The following DCLK1 variants were observed in gnomAD, a reference collection of about 807,000 sequenced individuals.
DCLK1 encodes the protein doublecortin like kinase 1.
Under a neutral mutation model 86.2 loss-of-function variants are expected in DCLK1, and 16 were observed. The observed-to-expected ratio is 0.19, with a 90% confidence interval of 0.13 to 0.28. The LOEUF (loss-of-function observed/expected upper bound fraction) is 0.28, where lower values mean the gene tolerates loss of function less well. Among genes scored for constraint, DCLK1 ranks in the 10% least tolerant of loss-of-function variants. The pLI is 1.00. For missense variants in DCLK1, 590 were observed against 940.2 expected (o/e 0.63, Z 4.87); for synonymous variants, 369 against 370.5 (o/e 1.00, Z 0.05).
intron 3 of DCLK1, among the ~76,000 whole-genome samples, chr13:36,062,221 G>C (rs1378848426): frequency 2.0e-5 from 3 of 152,120 alleles, no homozygotes; most frequent in African/African-American, 4.8e-5. Context: ...GATGCTCAGG[G>C]TTTACAGACT....
chr13:35,977,068 A>T (rs574120976), intron 3 of DCLK1, among the ~76,000 whole-genome samples: 1 of 152,118 alleles, frequency 6.6e-6, no homozygotes, highest in East Asian at 1.9e-4. Flanking sequence ...ACTTGCATCC[A>T]CTCCAGATGT....
At chr13:35,855,530 GAC>G (rs775139680) in intron 5 of DCLK1, 25 of 1,607,056 alleles carry the variant, frequency 1.6e-5, no homozygotes, top group Non-Finnish European at 7.6e-6. Flanking sequence ...TTCTAACATG[GAC>G]ACAGTCTTAG....
rs2086393544 is a variant in DCLK1, at chr13:35,774,657, G to A, written c.2101C>T (p.Arg701Cys). 15 of 1,610,494 alleles carry A rather than the reference G, an allele frequency of 9.3e-6. No homozygotes were observed. Among genetic ancestry groups the A allele is most frequent in the East Asian group, 4.5e-5 (2 of 44,760 alleles). Residue 701 changes from arginine to cysteine, a missense_variant, in exon 17 of 17, where the codon CGC becomes TGC. By Grantham distance (180) the Arg-to-Cys change is radical (BLOSUM62 -3). Transcript: ENST00000360631. ...DKERQVFRRRRNQDVRSRYKA... is the reference protein window; with the variant it reads ...DKERQVFRRRCNQDVRSRYKA... ...TACCGGCTCCTCACATCCTGGTTGC[G>A]TCTTCGTCGGAAAACCTGCCTCTCC... is the stretch of plus-strand genomic sequence containing the variant.
chr13:36,125,562 T>C (rs1198426849), intron 2 of DCLK1, among the ~76,000 whole-genome samples, 200 bp downstream of exon 2: 3 of 152,228 alleles, frequency 2.0e-5, no homozygotes, highest in African/African-American at 4.8e-5. Context: ...TAGCACATTA[T>C]TATAAGCTAC....
chr13:35,778,290 A>G (rs1001451286), intron 16 of DCLK1, among the ~76,000 whole-genome samples: 1 of 152,186 alleles, frequency 6.6e-6, no homozygotes, highest in Admixed American at 6.5e-5. Context: ...TGTGCTTCCA[A>G]TAAAAACTTC....
At chr13:35,856,760 G>A (rs547870964) in intron 5 of DCLK1, among the ~76,000 whole-genome samples, 3 of 152,226 alleles carry the variant, frequency 2.0e-5, no homozygotes, top group Non-Finnish European at 4.4e-5. Flanking sequence ...ACCAGTCAAT[G>A]CACTTAGACC....
chr13:35,774,668 A>G lies in DCLK1; in HGVS notation c.2090T>C (p.Phe697Ser). The G allele has an allele frequency of 6.2e-7, 1 of 1,611,820 alleles. No individual in the cohort carries two copies. The highest frequency in any genetic ancestry group is 8.5e-7 in the Non-Finnish European group (1 of 1,179,094). Residue 697 changes from phenylalanine (F) to serine (S), a missense_variant, in exon 17 of 17, where the codon TTC becomes TCC. Transcript: ENST00000360631. ...TTALDKERQV[F>S]RRRRNQDVRS... ...CACATCCTGGTTGCGTCTTCGTCGG[A>G]AAACCTGCCTCTCCTTATCAAGAGC...
intron 4 of DCLK1, among the ~76,000 whole-genome samples, chr13:35,938,879 G>C (rs1377215483): frequency 6.6e-6 from 1 of 152,088 alleles, no homozygotes; most frequent in Non-Finnish European, 1.5e-5. Context: ...CAATAAAAAG[G>C]AAGGCCTGTG....
intron 6 of DCLK1, among the ~76,000 whole-genome samples, chr13:35,843,112 G>A (rs1869922753): frequency 6.6e-6 from 1 of 152,104 alleles, no homozygotes; most frequent in Non-Finnish European, 1.5e-5. Context: ...GCTTGTAAAT[G>A]GAATCAATTT....
At chr13:36,079,720 GA>G (rs1184332170) in intron 3 of DCLK1, among the ~76,000 whole-genome samples, 3 of 152,008 alleles carry the variant, frequency 2.0e-5, no homozygotes, top group South Asian at 4.2e-4. Context: ...TTAGAGCAAG[GA>G]AAACGAATTG....
At chr13:36,064,597 T>TG (rs1276792632) in intron 3 of DCLK1, among the ~76,000 whole-genome samples, 1 of 151,466 alleles carries the variant, frequency 6.6e-6, no homozygotes, top group Non-Finnish European at 1.5e-5. Context: ...GGTCAGAAGT[T>TG]GCAGTGAGCT....
At position 35,769,643 on chromosome 13, in the gene DCLK1, A is replaced by G. The variant is rs2086294643; in HGVS notation, c.*4892T>C. ...TTGGACTGGAGTGAACTGACATTATAGCATCTTTATCATCACCTTTAAAAT... is the reference window on the plus strand; with the variant it reads ...TTGGACTGGAGTGAACTGACATTATGGCATCTTTATCATCACCTTTAAAAT... On this transcript the variant is annotated 3_prime_UTR_variant, in exon 17 of 17. Transcript: ENST00000360631. The G allele has an allele frequency of 6.6e-6, 1 of 152,208 alleles. No individual in the cohort carries two copies. The highest frequency in any genetic ancestry group is 2.4e-5 in the African/African-American group (1 of 41,464). 9.4% of individuals were successfully genotyped at this position (152,208 alleles called of 1,614,324 possible).
At chr13:35,873,976 T>G (rs555220769) in intron 4 of DCLK1, among the ~76,000 whole-genome samples, 125 of 152,352 alleles carry the variant, frequency 8.2e-4, no homozygotes, top group African/African-American at 2.8e-3. Context: ...GTTATAAATA[T>G]TTATCATTGT....
In DCLK1 at chr13:36,023,901, C is replaced by CTTTCT. The variant is rs573748537; in HGVS notation, c.724-76445_724-76444insAGAAA. Among the ~76,000 whole-genome samples, 258 of 128,496 alleles carry CTTTCT rather than the reference C, an allele frequency of 2.0e-3. 1 individual carries two copies. Among genetic ancestry groups the CTTTCT allele is most frequent in the African/African-American group, 7.0e-3 (240 of 34,168 alleles). The allele number at this position is 128,496 out of a possible 152,430, so 84.3% of individuals were successfully genotyped here. A position where few individuals can be genotyped will look rare whatever the true frequency, so the allele number is the denominator to read the frequency against. On this transcript the variant is annotated intron_variant, in intron 3 of 16. Coordinates refer to ENST00000360631, the MANE Select transcript of DCLK1 (RefSeq NM_001330071.2). ...GCTCTCCTCATTTCTTTCTTTCTTT[C>CTTTCT]TTTTTTTTTTTTTTTTGGAGACAGT...
rs1157117437 is a variant in DCLK1, at chr13:35,774,573, A to T, written c.2185T>A (p.Ser729Thr). 6.4e-7 allele frequency: 1 copy of T among 1,565,668 alleles called. No homozygotes were observed. The highest frequency in any genetic ancestry group is 8.7e-7 in the Non-Finnish European group (1 of 1,153,596). ...TTAGGGGAGCGAACAGTCTCGGAGGAGCTTGGGGAGTAGTCTTCCGATTCC... is the reference window on the plus strand; with the variant it reads ...TTAGGGGAGCGAACAGTCTCGGAGGTGCTTGGGGAGTAGTCTTCCGATTCC... ...NSESEDYSPSSSETVRSPNSP... is the reference protein window; with the variant it reads ...NSESEDYSPSTSETVRSPNSP... Residue 729 changes from serine to threonine, a missense_variant, in exon 17 of 17, where the codon TCC becomes ACC. Physicochemically the swap from Ser to Thr is moderately conservative, Grantham distance 58. This residue lies in a region of DCLK1 where 146 missense variants were observed against 190.2 expected (regional missense o/e 0.77). Coordinates refer to ENST00000360631, the MANE Select transcript of DCLK1 (RefSeq NM_001330071.2).
At chr13:35,836,531 C>T (rs186795547) in intron 7 of DCLK1, among the ~76,000 whole-genome samples, 5 of 152,288 alleles carry the variant, frequency 3.3e-5, no homozygotes, top group African/African-American at 7.2e-5. Flanking sequence ...AACCGCAGTT[C>T]GCAAGGGACT....
In DCLK1 at chr13:36,089,630, C is replaced by G. The variant is rs542929019; in HGVS notation, c.723+22239G>C. Among the ~76,000 whole-genome samples the G allele has an allele frequency of 2.6e-5, 4 of 152,266 alleles. No homozygotes were observed. In the South Asian group the frequency reaches 6.2e-4, roughly 24 times the overall value. On this transcript the variant is annotated intron_variant, in intron 3 of 16. Coordinates refer to ENST00000360631, the MANE Select transcript of DCLK1 (RefSeq NM_001330071.2). Reference sequence around the variant, plus strand: ...AAAGCATCTTCTTTTTTCTTTGCACCAAGAAATATACAACAGGCAGTTCTG... The same window carrying G: ...AAAGCATCTTCTTTTTTCTTTGCACGAAGAAATATACAACAGGCAGTTCTG...
At chr13:35,784,919 A>C (rs1456387584) in intron 16 of DCLK1, among the ~76,000 whole-genome samples, 1 of 152,110 alleles carries the variant, frequency 6.6e-6, no homozygotes, top group Non-Finnish European at 1.5e-5. Flanking sequence ...AGTTTTCTCA[A>C]ACCTGCACGG....
At chr13:36,070,917 T>G (rs1883950546) in intron 3 of DCLK1, among the ~76,000 whole-genome samples, 4 of 152,262 alleles carry the variant, frequency 2.6e-5, no homozygotes, top group Admixed American at 2.6e-4. Flanking sequence ...AGCACTGGGA[T>G]TACAGGCGTG....
Sources: allele counts gnomAD v4.1 joint callset (sites outside exome capture counted in the v4.1 genomes callset), GRCh38; gene constraint gnomAD v4.1.1; regional missense constraint gnomAD v4.1.1; transcripts MANE v1.5; gene names NCBI Gene and HGNC (gene_info 2026-07-23, HGNC 2026-07-21).